Variants in PKIB observed in about 807,000 individuals in gnomAD.
PKIB encodes PKI-beta.
Under a neutral mutation model 4.5 loss-of-function variants are expected in PKIB, and 2 were observed. The ratio of observed to expected loss-of-function variants is 0.44; its 90% CI spans 0.18 to 1.39. PKIB has a LOEUF of 1.39. Among genes scored for constraint, PKIB ranks in the 40% most tolerant of loss-of-function variants. The pLI, the probability that PKIB is intolerant of heterozygous loss-of-function variation, is 0.27. For missense variants in PKIB, 94 were observed against 92.6 expected, an observed-to-expected ratio of 1.02 and a Z score of -0.06; for synonymous variants, 38 against 36.0, an observed-to-expected ratio of 1.06 and a Z score of -0.20.
upstream of PKIB, among the ~76,000 whole-genome samples, chr6:122,608,467 G>A (rs1159828916): frequency 2.6e-5 from 4 of 152,214 alleles, no homozygotes; most frequent in South Asian, 2.1e-4. Context: ...TCTAACATTT[G>A]CAAAAGCAGC....
intron 3 of PKIB, among the ~76,000 whole-genome samples, chr6:122,675,447 A>T (rs1777633261): frequency 6.6e-6 from 1 of 152,200 alleles, no homozygotes; most frequent in South Asian, 2.1e-4. Context: ...GTGAAGATAC[A>T]TGTGTGTCTA....
intron 2 of PKIB, among the ~76,000 whole-genome samples, chr6:122,674,569 G>A (rs1346374944): frequency 1.3e-5 from 2 of 152,098 alleles, no homozygotes; most frequent in Non-Finnish European, 2.9e-5. Context: ...AAGATGGTTC[G>A]ATTCCTTTGA....
At chr6:122,548,755 C>T (rs933744685) in intron 2 of PKIB, among the ~76,000 whole-genome samples, 1 of 152,016 alleles carries the variant, frequency 6.6e-6, no homozygotes, top group Non-Finnish European at 1.5e-5. Context: ...TTAATAATAG[C>T]ATTTTGGGAA....
chr6:122,690,921 TATATA>T (rs375522598), intron 3 of PKIB, among the ~76,000 whole-genome samples: 21 of 132,402 alleles, frequency 1.6e-4, no homozygotes, highest in African/African-American at 5.0e-4. Flanking sequence ...GAAGGATATA[TATATA>T]TATATATTTT....
intron 2 of PKIB, among the ~76,000 whole-genome samples, chr6:122,570,625 A>G (rs751309448): frequency 4.6e-5 from 7 of 152,248 alleles, no homozygotes; most frequent in South Asian, 2.1e-4. Flanking sequence ...AAGACCCTCT[A>G]TAACTAAGGA....
At position 122,538,439 on chromosome 6, in the gene PKIB, C is replaced by G. The variant is rs569051477; in HGVS notation, c.-247-47482C>G. The stretch of plus-strand genomic sequence containing the variant: ...AGCACCATTTATTAAATAGGGAATC[C>G]TTTCCCCATTTCTTGTTTTTGTCAG... On this transcript the variant is annotated intron_variant, in intron 2 of 6. Coordinates refer to the PKIB transcript ENST00000392491. Among the ~76,000 whole-genome samples, 31 of 152,070 alleles carry G rather than the reference C, an allele frequency of 2.0e-4. 1 individual carries two copies. Among genetic ancestry groups the G allele is most frequent in the African/African-American group, 2.7e-4 (11 of 41,438 alleles).
chr6:122,602,112 C>T (rs534579796), intron 3 of PKIB, among the ~76,000 whole-genome samples: 3 of 151,780 alleles, frequency 2.0e-5, no homozygotes, highest in Admixed American at 1.3e-4. Context: ...GATATTTACT[C>T]CTAGGAATCA....
intron 2 of PKIB, among the ~76,000 whole-genome samples, chr6:122,535,053 G>T (rs1752618403): frequency 6.6e-6 from 1 of 151,838 alleles, no homozygotes; most frequent in Non-Finnish European, 1.5e-5. Context: ...TTAGTGTTGG[G>T]GTAATTTATA....
intron 2 of PKIB, among the ~76,000 whole-genome samples, chr6:122,492,366 A>T (rs1775962072): frequency 6.6e-6 from 1 of 152,020 alleles, no homozygotes; most frequent in African/African-American, 2.4e-5. Context: ...TTCTTAGGGA[A>T]CGTGTGCCTT....
chr6:122,573,775 A>G (rs1290672542), intron 2 of PKIB, among the ~76,000 whole-genome samples: 1 of 152,204 alleles, frequency 6.6e-6, no homozygotes, highest in East Asian at 1.9e-4. Context: ...TTTACCTCAA[A>G]GTAATAAAAG....
chr6:122,553,716 A>G (rs1360720899), intron 2 of PKIB, among the ~76,000 whole-genome samples: 6 of 152,078 alleles, frequency 3.9e-5, no homozygotes, highest in Non-Finnish European at 8.8e-5. Context: ...TTTAATTTTT[A>G]AGGAATCTAA....
chr6:122,569,911 A>G (rs1773308441), intron 2 of PKIB, among the ~76,000 whole-genome samples: 1 of 152,156 alleles, frequency 6.6e-6, no homozygotes, highest in African/African-American at 2.4e-5. Flanking sequence ...CTGAACCTCT[A>G]TCCCAACAGG....
chr6:122,497,100 A>G (rs1255957452), intron 2 of PKIB, among the ~76,000 whole-genome samples: 3 of 152,234 alleles, frequency 2.0e-5, no homozygotes, highest in African/African-American at 7.2e-5. Flanking sequence ...AGAAATTCCA[A>G]TCAAGAATTT....
chr6:122,502,054 G>A (rs1222013993), intron 2 of PKIB, among the ~76,000 whole-genome samples: 2 of 150,984 alleles, frequency 1.3e-5, no homozygotes, highest in Non-Finnish European at 2.9e-5. Context: ...CCCAGTTCAA[G>A]TGATTCTCTT....
intron 2 of PKIB, among the ~76,000 whole-genome samples, chr6:122,654,128 C>T (rs1199205834): frequency 6.6e-6 from 1 of 152,102 alleles, no homozygotes; most frequent in African/African-American, 2.4e-5. Flanking sequence ...TTTCCATTGC[C>T]TCGTCTAGTC....
At chr6:122,623,836 A>AT (rs35619999) in intron 1 of PKIB, among the ~76,000 whole-genome samples, 2,521 of 149,380 alleles carry the variant, frequency 0.017, 43 homozygotes, top group African/African-American at 0.051. Context: ...TTTAAGAGTG[A>AT]TTTTTTTTTT....
At chr6:122,575,714 C>G (rs1773510751) in intron 2 of PKIB, among the ~76,000 whole-genome samples, 1 of 152,100 alleles carries the variant, frequency 6.6e-6, no homozygotes, top group Non-Finnish European at 1.5e-5. Context: ...GGGAGCTAAG[C>G]TACAACGATG....
At chr6:122,668,515 A>G (rs1355271246) in intron 2 of PKIB, among the ~76,000 whole-genome samples, 1 of 152,184 alleles carries the variant, frequency 6.6e-6, no homozygotes, top group African/African-American at 2.4e-5. Flanking sequence ...TCTGCAGACT[A>G]AAACTAGAGA....
At chr6:122,579,791 A>T (rs1057131730) in intron 2 of PKIB, among the ~76,000 whole-genome samples, 6 of 152,174 alleles carry the variant, frequency 3.9e-5, no homozygotes, top group Admixed American at 3.9e-4. Context: ...AGCTTGGAGA[A>T]ATCTGAATTA....
Sources: gnomAD v4.1 joint callset for allele counts (sites outside exome capture counted in the v4.1 genomes callset) on GRCh38, gnomAD v4.1.1 for gene constraint, MANE v1.5 for transcripts, NCBI Gene and HGNC (gene_info 2026-07-23, HGNC 2026-07-21) for gene names.